CCSER1: variants seen among roughly 807,000 people sequenced by gnomAD.
The protein encoded by CCSER1 is serine-rich coiled-coil domain-containing protein 1.
A neutral mutation model predicts 82.0 loss-of-function variants in CCSER1; 41 were observed. The observed-to-expected ratio is 0.50, with a 90% CI of 0.39 to 0.65. CCSER1 has a LOEUF of 0.65. CCSER1 is among the 30% of genes least tolerant of loss of function. The pLI is 0.00. For synonymous variants in CCSER1, 414 were observed against 383.9 expected (o/e 1.08, Z -0.92); for missense variants, 1,119 against 1,064.2 (o/e 1.05, Z -0.72).
chr4:90,285,185 T>A (rs1023098011), intron 1 of CCSER1, among the ~76,000 whole-genome samples: 1 of 152,058 alleles, frequency 6.6e-6, no homozygotes, highest in African/African-American at 2.4e-5. Context: ...GTGAAGAATG[T>A]CATTGGTGTT....
rs868163116 is a variant in CCSER1, at chr4:91,440,996, A to T, written c.2218-157576A>T. ...ATAATCAATAGCTTACCAACCAAAA[A>T]GAGTCCAGGACCAGATGGATTCACA... On this transcript the variant is annotated intron_variant, in intron 10 of 10. Transcript: ENST00000509176. 7.4e-4 allele frequency among the ~76,000 whole-genome samples: 113 copies of T among 152,058 alleles called. 1 individual carries two copies. In the Middle Eastern group the frequency reaches 0.017, roughly 23 times the overall value.
chr4:90,749,740 C>T (rs962702254), intron 7 of CCSER1, among the ~76,000 whole-genome samples: 1 of 151,926 alleles, frequency 6.6e-6, no homozygotes, highest in African/African-American at 2.4e-5. Context: ...TGAATAGTGC[C>T]ACAGTAAACA....
intron 3 of CCSER1, among the ~76,000 whole-genome samples, chr4:90,361,094 T>G (rs1213804084): frequency 6.6e-6 from 1 of 152,252 alleles, no homozygotes; most frequent in East Asian, 1.9e-4. Flanking sequence ...TTTCTCAAAA[T>G]GAATCAAATG....
chr4:90,936,407 T>G (rs1239571141), intron 9 of CCSER1, among the ~76,000 whole-genome samples: 2 of 152,174 alleles, frequency 1.3e-5, no homozygotes, highest in African/African-American at 4.8e-5. Flanking sequence ...TCTCATTAGG[T>G]GAACTTTACT....
chr4:90,790,398 C>G (rs1427457797), intron 7 of CCSER1, among the ~76,000 whole-genome samples: 1 of 152,088 alleles, frequency 6.6e-6, no homozygotes, highest in Non-Finnish European at 1.5e-5. Flanking sequence ...TTCTCTTTGC[C>G]AAGGTATACC....
At chr4:91,444,092 G>T (rs1020537573) in intron 10 of CCSER1, among the ~76,000 whole-genome samples, 1 of 151,946 alleles carries the variant, frequency 6.6e-6, no homozygotes, top group Non-Finnish European at 1.5e-5. Flanking sequence ...TAATACACAG[G>T]AATATTATTT....
At chr4:91,115,606 CTA>C (rs1260815792) in intron 10 of CCSER1, among the ~76,000 whole-genome samples, 3 of 151,976 alleles carry the variant, frequency 2.0e-5, no homozygotes, top group Non-Finnish European at 4.4e-5. Flanking sequence ...CTGATAAAGA[CTA>C]GAGAAATGTT....
At chr4:91,445,355 GAT>G (rs1318400913) in intron 10 of CCSER1, among the ~76,000 whole-genome samples, 1 of 149,966 alleles carries the variant, frequency 6.7e-6, no homozygotes, top group Non-Finnish European at 1.5e-5. Context: ...TAAAAAGAGA[GAT>G]ATTTGGCCAA....
At chr4:90,180,417 C>T (rs543934746) in intron 1 of CCSER1, among the ~76,000 whole-genome samples, 5 of 151,888 alleles carry the variant, frequency 3.3e-5, no homozygotes, top group Non-Finnish European at 7.4e-5. Context: ...GGTGAAACCG[C>T]GTCTCTACTA....
intron 10 of CCSER1, among the ~76,000 whole-genome samples, chr4:91,271,737 C>CAT (rs1470670710): frequency 2.2e-4 from 34 of 151,760 alleles, no homozygotes; most frequent in Admixed American, 1.1e-3. Context: ...ATATGATACA[C>CAT]ATATATATAT....
At chr4:91,152,490 T>G (rs762202010) in intron 10 of CCSER1, among the ~76,000 whole-genome samples, 43 of 152,228 alleles carry the variant, frequency 2.8e-4, no homozygotes, top group Non-Finnish European at 7.3e-5. Context: ...AGTCTGTATC[T>G]TTTAATTGGA....
intron 3 of CCSER1, among the ~76,000 whole-genome samples, chr4:90,385,460 GT>G (rs199523272): frequency 0.024 from 3,229 of 134,702 alleles, 78 homozygotes; most frequent in African/African-American, 0.079. Context: ...TCTCGGTGTA[GT>G]TTTTTTTTTT....
chr4:90,158,687 C>T (rs1024069894), intron 1 of CCSER1, among the ~76,000 whole-genome samples: 19 of 152,310 alleles, frequency 1.2e-4, no homozygotes, highest in Middle Eastern at 3.4e-3. Flanking sequence ...GAGCCAGGTG[C>T]GGGATATAAT....
intron 10 of CCSER1, among the ~76,000 whole-genome samples, chr4:91,193,940 A>G (rs1735202671): frequency 6.6e-6 from 1 of 152,048 alleles, no homozygotes; most frequent in African/African-American, 2.4e-5. Context: ...ACAAGAACCC[A>G]CATATATGAT....
chr4:90,664,218 C>A (rs57321663), intron 6 of CCSER1, among the ~76,000 whole-genome samples: 72,561 of 151,934 alleles, frequency 0.48, 17,597 homozygotes, highest in Middle Eastern at 0.66. Context: ...CTATGTGCTT[C>A]GTTATTTACT....
intron 6 of CCSER1, 130 bp downstream of exon 6, chr4:90,628,362 C>A: frequency 1.5e-6 from 1 of 659,516 alleles, no homozygotes; most frequent in Non-Finnish European, 2.6e-6. Flanking sequence ...CCTCTTGGAG[C>A]TTAGCTATTT....
intron 10 of CCSER1, among the ~76,000 whole-genome samples, chr4:91,484,887 C>A (rs552253569): frequency 6.6e-6 from 1 of 152,116 alleles, no homozygotes; most frequent in Admixed American, 6.5e-5. Flanking sequence ...AAGTCTAAAT[C>A]GATACCTGTG....
chr4:91,152,167 G>C (rs891718480), intron 10 of CCSER1, among the ~76,000 whole-genome samples: 28 of 152,148 alleles, frequency 1.8e-4, no homozygotes, highest in African/African-American at 6.8e-4. Flanking sequence ...CCTGTATTAG[G>C]TTCATATATA....
intron 4 of CCSER1, among the ~76,000 whole-genome samples, chr4:90,450,843 G>A (rs1435430284): frequency 2.0e-5 from 3 of 152,174 alleles, no homozygotes; most frequent in East Asian, 3.9e-4. Flanking sequence ...GTTGCAGTTT[G>A]TGTTGCAAAT....
Sources: gnomAD v4.1 joint callset for allele counts (sites outside exome capture counted in the v4.1 genomes callset) on GRCh38, gnomAD v4.1.1 for gene constraint, MANE v1.5 for transcripts, NCBI Gene and HGNC (gene_info 2026-07-23, HGNC 2026-07-21) for gene names.